Variants in SHISA9 observed in about 807,000 individuals in gnomAD.
SHISA9 encodes the protein shisa family member 9.
Under a neutral mutation model 38.0 loss-of-function variants are expected in SHISA9, and 13 were observed. The ratio of observed to expected loss-of-function variants is 0.34; its 90% confidence interval spans 0.22 to 0.54. SHISA9 has a LOEUF of 0.54. Among genes scored for constraint, SHISA9 ranks in the 20% least tolerant of loss-of-function variants. SHISA9 has a pLI of 0.91. For synonymous variants in SHISA9, 275 were observed against 242.0 expected (o/e 1.14, Z -1.27); for missense variants, 538 against 575.8 (o/e 0.93, Z 0.67).
chr16:13,392,475 G>A, the SHISA9 span, among the ~76,000 whole-genome samples: 4 of 152,094 alleles, frequency 2.6e-5, no homozygotes, highest in African/African-American at 7.2e-5. Context: ...CCTACTGAAG[G>A]ATGTAGACCT....
the SHISA9 span, among the ~76,000 whole-genome samples, chr16:13,544,458 T>A: frequency 7.6e-6 from 1 of 131,888 alleles, no homozygotes; most frequent in Non-Finnish European, 1.6e-5. Context: ...CCCCGCTGGA[T>A]GTTGTATTTC....
rs143744375 is a variant in SHISA9, at chr16:12,935,718, C to T, written c.691+18903C>T. 5.9e-3 allele frequency among the ~76,000 whole-genome samples: 899 copies of T among 151,934 alleles called. 5 individuals are homozygous for T. Among genetic ancestry groups the T allele is most frequent in the Middle Eastern group, 0.034 (10 of 294 alleles). On this transcript the variant is annotated intron_variant, in intron 2 of 4. Transcript: ENST00000558583. ...CAAAAAGTAGCTGGGCATGGTGGCA[C>T]GTGCCTGTGGTCCCAGCTACTTGGG...
At chr16:12,909,057 C>A in intron 1 of SHISA9, 1 of 996,086 alleles carries the variant, frequency 1.0e-6, no homozygotes, top group Non-Finnish European at 1.2e-6. Flanking sequence ...TCTTTCTATG[C>A]ATTTGTGGTT....
chr16:13,394,755 A>T, the SHISA9 span, among the ~76,000 whole-genome samples: 28 of 152,134 alleles, frequency 1.8e-4, no homozygotes, highest in Non-Finnish European at 3.1e-4. Context: ...GGGGAAATAT[A>T]TTGAGATATT....
At chr16:13,117,043 G>T (rs2074037038) in intron 2 of SHISA9, among the ~76,000 whole-genome samples, 1 of 152,068 alleles carries the variant, frequency 6.6e-6, no homozygotes, top group Admixed American at 6.6e-5. Context: ...AGTGATCTCG[G>T]CTCACTGCAA....
At chr16:13,405,824 G>C in the SHISA9 span, among the ~76,000 whole-genome samples, 1 of 151,670 alleles carries the variant, frequency 6.6e-6, no homozygotes, top group Non-Finnish European at 1.5e-5. Context: ...TTATGGCTGT[G>C]TAGTATTCTT....
At chr16:13,360,722 C>A in the SHISA9 span, among the ~76,000 whole-genome samples, 1 of 152,142 alleles carries the variant, frequency 6.6e-6, no homozygotes, top group Non-Finnish European at 1.5e-5. Flanking sequence ...CTCAGTCAAG[C>A]CTCGCATAGG....
intron 2 of SHISA9, among the ~76,000 whole-genome samples, chr16:13,056,354 A>C (rs1463202593): frequency 1.2e-4 from 19 of 152,164 alleles, no homozygotes; most frequent in African/African-American, 2.4e-5. Flanking sequence ...GGAAAAGTCA[A>C]ATTATGCAAT....
At chr16:13,243,866 A>G (rs1341756085), downstream of SHISA9, among the ~76,000 whole-genome samples, 2 of 135,072 alleles carry the variant, frequency 1.5e-5, no homozygotes, top group African/African-American at 5.6e-5. Flanking sequence ...TCTGCCTCCC[A>G]GGTTCATGTG....
At chr16:13,552,412 G>A in the SHISA9 span, among the ~76,000 whole-genome samples, 1 of 151,946 alleles carries the variant, frequency 6.6e-6, no homozygotes, top group Non-Finnish European at 1.5e-5. Context: ...AGGTGGGAAG[G>A]GCAGGTGTCA....
chr16:13,542,855 C>T, the SHISA9 span, among the ~76,000 whole-genome samples: 3 of 152,256 alleles, frequency 2.0e-5, no homozygotes, highest in East Asian at 1.9e-4. Flanking sequence ...CAACTGAGAG[C>T]GTTTCTGTCT....
the SHISA9 span, among the ~76,000 whole-genome samples, chr16:13,464,846 G>A: frequency 7.0e-6 from 1 of 143,056 alleles, no homozygotes; most frequent in African/African-American, 2.7e-5. Context: ...ACCTTTTACA[G>A]TTCAGAAAAA....
At chr16:13,311,534 G>T in the SHISA9 span, among the ~76,000 whole-genome samples, 1 of 152,098 alleles carries the variant, frequency 6.6e-6, no homozygotes, top group Non-Finnish European at 1.5e-5. Context: ...GCCTTGGTGG[G>T]TTTCAAGTAG....
At chr16:12,902,775 T>C in intron 1 of SHISA9, 148 bp downstream of exon 1, 1 of 840,084 alleles carries the variant, frequency 1.2e-6, no homozygotes, top group Middle Eastern at 3.4e-4. Flanking sequence ...GAAGCCAACT[T>C]CGGCTTGGAA....
intron 2 of SHISA9, among the ~76,000 whole-genome samples, chr16:13,154,162 A>C (rs1422069438): frequency 6.6e-6 from 1 of 152,194 alleles, no homozygotes; most frequent in Non-Finnish European, 1.5e-5. Context: ...AAACCTAAGA[A>C]GTAGATTTTA....
At chr16:13,390,000 T>C in the SHISA9 span, among the ~76,000 whole-genome samples, 2 of 152,158 alleles carry the variant, frequency 1.3e-5, no homozygotes, top group Middle Eastern at 3.4e-3. Flanking sequence ...CTTAAAGGAG[T>C]CTTTGAAGAT....
chr16:13,437,758 G>A, the SHISA9 span, among the ~76,000 whole-genome samples: 2 of 151,580 alleles, frequency 1.3e-5, no homozygotes, highest in Non-Finnish European at 2.9e-5. Context: ...TGGGGAAAGG[G>A]ATCCAAGGTC....
At chr16:13,320,938 T>C in the SHISA9 span, among the ~76,000 whole-genome samples, 2 of 152,238 alleles carry the variant, frequency 1.3e-5, no homozygotes, top group African/African-American at 4.8e-5. Flanking sequence ...TCAATGGAAC[T>C]GTCTGCAATG....
intron 2 of SHISA9, among the ~76,000 whole-genome samples, chr16:13,188,716 C>CA (rs35558481): frequency 0.44 from 34,625 of 79,432 alleles, 7,706 homozygotes; most frequent in Non-Finnish European, 0.51. Context: ...GACCCTGTTT[C>CA]AAAAAAAAAA....
Sources: allele counts gnomAD v4.1 joint callset (sites outside exome capture counted in the v4.1 genomes callset), GRCh38; gene constraint gnomAD v4.1.1; transcripts MANE v1.5; gene names NCBI Gene and HGNC (gene_info 2026-07-23, HGNC 2026-07-21).